The following PTPRR variants were observed in gnomAD, a reference collection of about 807,000 sequenced individuals.
The protein encoded by PTPRR is receptor-type tyrosine-protein phosphatase R.
Under a neutral mutation model 77.2 loss-of-function variants are expected in PTPRR, and 38 were observed. The ratio of observed to expected loss-of-function variants is 0.49; its 90% CI spans 0.38 to 0.65. PTPRR has a LOEUF of 0.65. Among genes scored for constraint, PTPRR ranks in the 30% least tolerant of loss-of-function variants. The probability of loss-of-function intolerance (pLI) is 0.00; values close to 1 mark genes in which losing one functional copy is unlikely to be tolerated. For synonymous variants in PTPRR, 299 were observed against 283.1 expected (o/e 1.06, Z -0.57); for missense variants, 744 against 799.2 (o/e 0.93, Z 0.83).
At chr12:70,701,651 T>A (rs1888429807) in intron 6 of PTPRR, among the ~76,000 whole-genome samples, 1 of 152,130 alleles carries the variant, frequency 6.6e-6, no homozygotes, top group Admixed American at 6.6e-5. Context: ...TATATCTATA[T>A]CTATATCTTC....
chr12:70,919,673 GTTTTTTTTTTTTTTTTT>G (rs58439089), intron 1 of PTPRR, among the ~76,000 whole-genome samples: 6 of 110,082 alleles, frequency 5.5e-5, no homozygotes, highest in Admixed American at 2.1e-4. Context: ...AACTGTAATT[GTTTTTTTTTTTTTTTTT>G]TTTTTTTTTT....
intron 2 of PTPRR, among the ~76,000 whole-genome samples, chr12:70,832,600 T>C (rs1592783235): frequency 6.6e-6 from 1 of 152,118 alleles, no homozygotes; most frequent in South Asian, 2.1e-4. Flanking sequence ...TATATTAGAA[T>C]GGTTAAGAGG....
intron 2 of PTPRR, among the ~76,000 whole-genome samples, chr12:70,827,516 A>G (rs1297132117): frequency 6.7e-6 from 1 of 150,296 alleles, no homozygotes; most frequent in Non-Finnish European, 1.5e-5. Flanking sequence ...GCTCTCCAGA[A>G]TATCTTTTCT....
intron 8 of PTPRR, among the ~76,000 whole-genome samples, chr12:70,696,038 G>T (rs1888219957): frequency 6.6e-6 from 1 of 152,132 alleles, no homozygotes; most frequent in East Asian, 1.9e-4. Context: ...AAATTATGAA[G>T]ATTGCTATTT....
Position 70,638,482 on chromosome 12 carries a change from C to T in PTPRR, c.*702G>A, listed in dbSNP as rs918332191. ...GATAGAGTTCTGGAGCAGAAGCCAC[C>T]TTTATGCCCAATAATAGAGAGTAAA... On this transcript the variant is annotated 3_prime_UTR_variant, in exon 14 of 14. Coordinates refer to ENST00000283228, the MANE Select transcript of PTPRR (RefSeq NM_002849.4). 5.9e-5 allele frequency: 9 copies of T among 152,552 alleles called. No individual in the cohort carries two copies. Among genetic ancestry groups the T allele is most frequent in the African/African-American group, 2.4e-5 (1 of 41,426 alleles). The allele number at this position is 152,552 out of a possible 1,614,324, so 9.4% of individuals were successfully genotyped here.
intron 1 of PTPRR, among the ~76,000 whole-genome samples, chr12:70,909,040 A>G (rs1220515960): frequency 6.6e-6 from 1 of 152,192 alleles, no homozygotes; most frequent in Non-Finnish European, 1.5e-5. Context: ...GATTAGAAAC[A>G]TAGTTCCCAA....
Position 70,752,508 on chromosome 12 carries a change from C to T in PTPRR, c.738+1683G>A, listed in dbSNP as rs546661740. 7.9e-5 allele frequency among the ~76,000 whole-genome samples: 12 copies of T among 152,232 alleles called. No homozygotes were observed. The East Asian group carries it at 9.6e-4, about 12-fold the overall frequency. On this transcript the variant is annotated intron_variant, in intron 5 of 13. Coordinates refer to ENST00000283228, the MANE Select transcript of PTPRR (RefSeq NM_002849.4). ...TCTAGTTACATTCAGTACATGAGCA[C>T]GCCCTGAGTTAGAAATGCAGAATCT...
intron 13 of PTPRR, among the ~76,000 whole-genome samples, chr12:70,644,501 C>T (rs1298777408): frequency 6.6e-6 from 1 of 152,184 alleles, no homozygotes; most frequent in Non-Finnish European, 1.5e-5. Context: ...TTTTACCCAA[C>T]TACACAATCT....
chr12:70,796,077 T>G (rs1340863982), intron 2 of PTPRR, among the ~76,000 whole-genome samples: 1 of 151,744 alleles, frequency 6.6e-6, no homozygotes, highest in Non-Finnish European at 1.5e-5. Context: ...GTGCTTGCCA[T>G]GAAGCCCGAC....
intron 6 of PTPRR, among the ~76,000 whole-genome samples, chr12:70,728,205 T>TTTTG (rs1289823590): frequency 1.8e-5 from 2 of 113,252 alleles, no homozygotes; most frequent in South Asian, 5.9e-4. Flanking sequence ...ATTTTGGATT[T>TTTTG]TTTTTTTTTC....
At chr12:70,639,626 C>T in intron 13 of PTPRR, 1 of 493,476 alleles carries the variant, frequency 2.0e-6, no homozygotes, top group Non-Finnish European at 2.7e-6. Flanking sequence ...TAGCTGTATG[C>T]ATCTTGGACA....
chr12:70,869,129 A>G (rs1892916810), intron 2 of PTPRR, among the ~76,000 whole-genome samples: 1 of 151,952 alleles, frequency 6.6e-6, no homozygotes, highest in Admixed American at 6.6e-5. Flanking sequence ...GCACATGAAT[A>G]CATATGTAAC....
intron 6 of PTPRR, among the ~76,000 whole-genome samples, chr12:70,719,304 C>G (rs113050107): frequency 1.5e-3 from 232 of 152,222 alleles, no homozygotes; most frequent in African/African-American, 5.1e-3. Context: ...AGGCTGTCCT[C>G]GATAAGGCAT....
At chr12:70,822,070 C>A (rs989424466) in intron 2 of PTPRR, among the ~76,000 whole-genome samples, 1 of 152,176 alleles carries the variant, frequency 6.6e-6, no homozygotes, top group Non-Finnish European at 1.5e-5. Flanking sequence ...CCTTAACATT[C>A]CAGGAAGTTC....
intron 2 of PTPRR, among the ~76,000 whole-genome samples, chr12:70,795,828 A>G: frequency 6.8e-6 from 1 of 147,458 alleles, no homozygotes. Context: ...GCTCACTGTC[A>G]TGTGTTTTGA....
At chr12:70,718,489 A>G (rs1346989579) in intron 6 of PTPRR, among the ~76,000 whole-genome samples, 7 of 151,552 alleles carry the variant, frequency 4.6e-5, no homozygotes, top group African/African-American at 1.7e-4. Flanking sequence ...CTGGTCTCAA[A>G]CTCCTGACCT....
rs772231404 is a variant in PTPRR, at chr12:70,855,249, A to C, written c.357+37430T>G. ...AAAATTACTGCGATGGATGTTTTAC[A>C]TCCAAGAAGACGGAACCATGCAGAA... is the stretch of plus-strand genomic sequence containing the variant. On this transcript the variant is annotated intron_variant, in intron 2 of 13. Coordinates refer to ENST00000283228, the MANE Select transcript of PTPRR (RefSeq NM_002849.4). Among the ~76,000 whole-genome samples the C allele has an allele frequency of 3.3e-4, 50 of 152,332 alleles. 1 individual carries two copies. Among genetic ancestry groups the C allele is most frequent in the East Asian group, 1.9e-4 (1 of 5,186 alleles).
chr12:70,656,992 A>T (rs11178349), intron 12 of PTPRR, among the ~76,000 whole-genome samples, 175 bp from the exon 13 acceptor site: 1 of 149,220 alleles, frequency 6.7e-6, no homozygotes, highest in African/African-American at 2.5e-5. Context: ...ACATTTAATT[A>T]TAAGTAGTAG....
chr12:70,825,218 CA>C (rs1275808381), intron 2 of PTPRR, among the ~76,000 whole-genome samples: 4 of 152,158 alleles, frequency 2.6e-5, no homozygotes, highest in Non-Finnish European at 4.4e-5. Context: ...GTGGAGGTTG[CA>C]GTGAGCCAAG....
Sources: allele counts gnomAD v4.1 joint callset (sites outside exome capture counted in the v4.1 genomes callset), GRCh38; gene constraint gnomAD v4.1.1; transcripts MANE v1.5; gene names NCBI Gene and HGNC (gene_info 2026-07-23, HGNC 2026-07-21).